The following MICALL1 variants were observed in gnomAD, a reference collection of about 807,000 sequenced individuals.
MICALL1 encodes the protein MICAL like 1, also known as MICAL-like protein 1.
In MICALL1, 61 loss-of-function variants were observed where a neutral mutation model predicts 83.7. The observed-to-expected ratio is 0.73, with a 90% CI of 0.59 to 0.90. The LOEUF is 0.90. Among genes scored for constraint, MICALL1 ranks in the 40% least tolerant of loss-of-function variants. The pLI is 0.00. For missense variants in MICALL1, 1,066 were observed against 1,152.0 expected (o/e 0.93, Z 1.08); for synonymous variants, 481 against 473.6 (o/e 1.02, Z -0.20).
chr22:37,936,502 G>A (rs1303440307), intron 13 of MICALL1, among the ~76,000 whole-genome samples: 2 of 152,218 alleles, frequency 1.3e-5, no homozygotes, highest in African/African-American at 2.4e-5. Flanking sequence ...CTTGCAGTAG[G>A]TGCTGTGCTG....
chr22:37,938,140 GTGCTTCC>G (rs2145958198), intron 15 of MICALL1, among the ~76,000 whole-genome samples: 1 of 152,230 alleles, frequency 6.6e-6, no homozygotes, highest in East Asian at 1.9e-4. Context: ...CCAAATAGCA[GTGCTTCC>G]TGGGGACCAA....
In MICALL1 at chr22:37,942,635, G is replaced by C. The variant is rs993151602; in HGVS notation, c.*1805G>C. ...TCCTGCCTCGGCCTCCTGAGCAGCTGGGACTACAGGCGCATGCTACGACGC... is the reference window on the plus strand; with the variant it reads ...TCCTGCCTCGGCCTCCTGAGCAGCTCGGACTACAGGCGCATGCTACGACGC... On this transcript the variant is annotated 3_prime_UTR_variant, in exon 16 of 16. Coordinates refer to ENST00000215957, the MANE Select transcript of MICALL1 (RefSeq NM_033386.4). 6.6e-6 allele frequency: 1 copy of C among 152,128 alleles called. No homozygotes were observed. Among genetic ancestry groups the C allele is most frequent in the African/African-American group, 2.4e-5 (1 of 41,404 alleles). 9.4% of individuals were successfully genotyped at this position (152,128 alleles called of 1,614,324 possible). A position where few individuals can be genotyped will look rare whatever the true frequency, so the allele number is the denominator to read the frequency against.
rs550603187 is a variant in MICALL1, at chr22:37,932,834, A to C, written c.2180A>C (p.Lys727Thr). 3 of 1,614,080 alleles carry C rather than the reference A, an allele frequency of 1.9e-6. No individual in the cohort carries two copies. The African/African-American group carries it at 4.0e-5, about 22-fold the overall frequency. Residue 727 changes from lysine to threonine, a missense_variant, in exon 12 of 16, where the codon AAG becomes ACG. Coordinates refer to ENST00000215957, the MANE Select transcript of MICALL1 (RefSeq NM_033386.4). The surrounding 1 kb of genome is among the most constrained non-coding windows in gnomAD (Gnocchi z 4.4). ...GATGACATGCTGGTGGACTGGTTCAAGCTCATCCACGAGAAGCACCTACTG... is the reference window on the plus strand; with the variant it reads ...GATGACATGCTGGTGGACTGGTTCACGCTCATCCACGAGAAGCACCTACTG... ...REDDMLVDWFKLIHEKHLLVR... is the reference protein window; with the variant it reads ...REDDMLVDWFTLIHEKHLLVR...
Position 37,934,808 on chromosome 22 carries a change from G to A in MICALL1, c.2308+1696G>A, listed in dbSNP as rs541955880. The stretch of plus-strand genomic sequence containing the variant: ...AGACCAGGTTTCACCATGTTAGCCA[G>A]GATGGTCTCGATCTCCTGACCTTGT... On this transcript the variant is annotated intron_variant, in intron 13 of 15. Coordinates refer to ENST00000215957, the MANE Select transcript of MICALL1 (RefSeq NM_033386.4). 5.3e-5 allele frequency among the ~76,000 whole-genome samples: 8 copies of A among 151,428 alleles called. No homozygotes were observed. The East Asian group carries it at 1.6e-3, about 29-fold the overall frequency.
intron 15 of MICALL1, among the ~76,000 whole-genome samples, chr22:37,938,676 G>A (rs1159995141): frequency 6.7e-6 from 1 of 148,746 alleles, no homozygotes; most frequent in Non-Finnish European, 1.5e-5. Flanking sequence ...AGGCTGGAGT[G>A]CAGTGGTACG....
Position 37,906,439 on chromosome 22 carries a change from G to C in MICALL1, c.17G>C (p.Gly6Ala), listed in dbSNP as rs941539552. The C allele has an allele frequency of 1.2e-5, 14 of 1,163,434 alleles. No homozygotes were observed. Among genetic ancestry groups the C allele is most frequent in the Admixed American group, 4.7e-5 (1 of 21,286 alleles). 72.1% of individuals were successfully genotyped at this position (1,163,434 alleles called of 1,614,324 possible). MAGPR[G>A]ALLAWCRRQC... The stretch of plus-strand genomic sequence containing the variant: ...CGCGGGGTCATGGCTGGGCCGCGGG[G>C]CGCGCTGCTGGCCTGGTGCCGCCGC... Residue 6 changes from glycine (G) to alanine (A), a missense_variant, in exon 1 of 16, where the codon GGC becomes GCC. By Grantham distance (60) the Gly-to-Ala change is moderately conservative. Transcript: ENST00000215957. This position sits in a 1 kb window ranked among gnomAD's most constrained non-coding sequence, Gnocchi z 4.4.
chr22:37,907,544 G>T (rs749604869), intron 1 of MICALL1: 1 of 152,194 alleles, frequency 6.6e-6, no homozygotes, highest in African/African-American at 2.4e-5. Context: ...GGAGAGTTCT[G>T]GTCCCTACCC....
rs1432608169 is a variant in MICALL1 at position 37,933,031 on chromosome 22, A to C, written c.2235-8A>C. 1 of 1,613,562 alleles carries C rather than the reference A, an allele frequency of 6.2e-7. No individual in the cohort carries two copies. Among genetic ancestry groups the C allele is most frequent in the Admixed American group, 1.7e-5 (1 of 59,956 alleles). On this transcript the variant is annotated splice_region_variant and splice_polypyrimidine_tract_variant and intron_variant, in intron 12 of 15. Transcript: ENST00000215957. ...AATTGTTAAGAGTCACCTTATTCCC[A>C]CCCCTAGCTTCAAGCAGCAGAACCT...
At position 37,924,217 on chromosome 22, in the gene MICALL1, G is replaced by T. The variant is rs1929274745; in HGVS notation, c.1025-443G>T. On this transcript the variant is annotated intron_variant, in intron 6 of 15. Transcript: ENST00000215957. This position sits in a 1 kb window ranked among gnomAD's most constrained non-coding sequence, Gnocchi z 5.2. ...GTTCAGGCCTATCTGTGCCTTCAGG[G>T]TGCTCCCAGTGTTGAGGTGGAGACA... is the stretch of plus-strand genomic sequence containing the variant. 6.6e-6 allele frequency among the ~76,000 whole-genome samples: 1 copy of T among 152,182 alleles called. No homozygotes were observed. Among genetic ancestry groups the T allele is most frequent in the South Asian group, 2.1e-4 (1 of 4,836 alleles).
chr22:37,916,598 T>C (rs1350664254), intron 3 of MICALL1, among the ~76,000 whole-genome samples: 1 of 152,194 alleles, frequency 6.6e-6, no homozygotes, highest in Non-Finnish European at 1.5e-5. Context: ...CTGGCTGAGA[T>C]GTCGTGGTGC....
chr22:37,924,653 C>T lies in MICALL1; in HGVS notation c.1025-7C>T. 1 of 1,611,642 alleles carries T rather than the reference C, an allele frequency of 6.2e-7. No homozygotes were observed. The highest frequency in any genetic ancestry group is 8.5e-7 in the Non-Finnish European group (1 of 1,178,704). ...GAAGGCCTGGCTCACTCTCCTTTCCCATCTAGGGAGACTGCACGAACTGCC... is the reference window on the plus strand; with the variant it reads ...GAAGGCCTGGCTCACTCTCCTTTCCTATCTAGGGAGACTGCACGAACTGCC... On this transcript the variant is annotated splice_region_variant and splice_polypyrimidine_tract_variant and intron_variant, in intron 6 of 15. Coordinates refer to ENST00000215957, the MANE Select transcript of MICALL1 (RefSeq NM_033386.4). The surrounding 1 kb of genome is among the most constrained non-coding windows in gnomAD (Gnocchi z 5.2).
intron 13 of MICALL1, among the ~76,000 whole-genome samples, chr22:37,936,615 G>C (rs192229818): frequency 2.6e-5 from 4 of 152,182 alleles, no homozygotes; most frequent in Non-Finnish European, 5.9e-5. Flanking sequence ...GGCCCTGGCC[G>C]GGCGCGGTGG....
At chr22:37,939,360 T>A (rs1569151735) in intron 15 of MICALL1, among the ~76,000 whole-genome samples, 1 of 152,220 alleles carries the variant, frequency 6.6e-6, no homozygotes, top group African/African-American at 2.4e-5. Flanking sequence ...AGGCCTACAT[T>A]TTCCTTGTCT....
rs187180195 is a variant in MICALL1 at position 37,916,514 on chromosome 22, G to T, written c.338-1193G>T. Among the ~76,000 whole-genome samples, 121 of 152,320 alleles carry T rather than the reference G, an allele frequency of 7.9e-4. 1 individual carries two copies. The highest frequency in any genetic ancestry group is 2.7e-3 in the African/African-American group (114 of 41,570). On this transcript the variant is annotated intron_variant, in intron 3 of 15. Coordinates refer to ENST00000215957, the MANE Select transcript of MICALL1 (RefSeq NM_033386.4). ...TGGTCCTGTACTGTACTTTCTGGGCGAGTGGAGGCATTTCAAGAGTGACTT... is the reference window on the plus strand; with the variant it reads ...TGGTCCTGTACTGTACTTTCTGGGCTAGTGGAGGCATTTCAAGAGTGACTT...
chr22:37,940,314 T>C (rs1487004940), intron 15 of MICALL1, among the ~76,000 whole-genome samples: 2 of 151,414 alleles, frequency 1.3e-5, no homozygotes, highest in African/African-American at 4.9e-5. Context: ...TCCCAGCTAC[T>C]CGGGAGGCTG....
At chr22:37,939,526 A>G (rs1305929560) in intron 15 of MICALL1, among the ~76,000 whole-genome samples, 2 of 152,152 alleles carry the variant, frequency 1.3e-5, no homozygotes, top group Non-Finnish European at 2.9e-5. Context: ...CTGTAATGCC[A>G]GCACTTTGGG....
rs1198282750 is a variant in MICALL1, at chr22:37,922,601, A to ATTT, written c.1024+198_1024+200dup. ...ATTATATATATATATATATATATAT[A>ATTT]TTTTTTTTTTTTTTTTTTTTTTTTT... On this transcript the variant is annotated intron_variant, in intron 6 of 15. Coordinates refer to ENST00000215957, the MANE Select transcript of MICALL1 (RefSeq NM_033386.4). 2.8e-3 allele frequency among the ~76,000 whole-genome samples: 88 copies of ATTT among 31,958 alleles called. 5 individuals carry two copies. The highest frequency in any genetic ancestry group is 4.2e-3 in the Non-Finnish European group (66 of 15,812). The allele number at this position is 31,958 out of a possible 152,430, so 21.0% of individuals were successfully genotyped here.
intron 5 of MICALL1, among the ~76,000 whole-genome samples, chr22:37,921,242 CT>C (rs1216298715): frequency 6.6e-6 from 1 of 152,110 alleles, no homozygotes; most frequent in Non-Finnish European, 1.5e-5. Context: ...TTGTATGATA[CT>C]GTCTTATACA....
chr22:37,926,338 CCT>C (rs1199941429), intron 8 of MICALL1, among the ~76,000 whole-genome samples: 6 of 152,182 alleles, frequency 3.9e-5, no homozygotes, highest in African/African-American at 1.4e-4. Context: ...CTTCACCCTC[CCT>C]GTCGTGCTCG....
Sources: allele counts gnomAD v4.1 joint callset (sites outside exome capture counted in the v4.1 genomes callset), GRCh38; gene constraint gnomAD v4.1.1; non-coding constraint Gnocchi (gnomAD v3.1); transcripts MANE v1.5; gene names NCBI Gene and HGNC (gene_info 2026-07-23, HGNC 2026-07-21).